Variants in POTEF observed in about 807,000 individuals in gnomAD.
The protein encoded by POTEF is ANKRD26-like family C member 1B.
In POTEF, 20 loss-of-function variants were observed where a neutral mutation model predicts 83.2. The observed-to-expected ratio is 0.24, with a 90% CI of 0.17 to 0.35. The LOEUF is 0.35. POTEF is among the 10% of genes least tolerant of loss of function. The pLI is 1.00. For synonymous variants in POTEF, 196 were observed against 446.4 expected, an observed-to-expected ratio of 0.44 and a Z score of 7.07; for missense variants, 550 against 1,203.2, an observed-to-expected ratio of 0.46 and a Z score of 8.03.
In POTEF at chr2:130,075,400, A is replaced by T. The variant is rs750134559; in HGVS notation, c.2072T>A (p.Leu691Ter). 1.2e-6 allele frequency: 2 copies of T among 1,611,696 alleles called. No individual in the cohort carries two copies. The highest frequency in any genetic ancestry group is 2.2e-5 in the East Asian group (1 of 44,866). Residue 691 changes from leucine (L) to a stop codon, truncating the protein, a stop_gained, in exon 17 of 17, where the codon TTA (leucine) becomes TAA (stop). Transcript: ENST00000409914. LOFTEE classifies it high-confidence loss of function. ...ESVKKRNDNL[L>*]KALQLNELTM... Reference sequence around the variant, plus strand: ...GAGCTCATTCAATTGTAGAGCCTTTAAAAGATTATCATTCCTTTTTTTCAC... The same window carrying T: ...GAGCTCATTCAATTGTAGAGCCTTTTAAAGATTATCATTCCTTTTTTTCAC...
intron 3 of POTEF, among the ~76,000 whole-genome samples, chr2:130,115,797 T>C (rs71277176): frequency 2.1e-3 from 283 of 137,860 alleles, no homozygotes; most frequent in African/African-American, 7.5e-3. Flanking sequence ...AACATTTGAA[T>C]TGAGATGATA....
In POTEF at chr2:130,083,049, C is replaced by T. The variant is rs3990648; in HGVS notation, c.1778+2765G>A. On this transcript the variant is annotated intron_variant, in intron 15 of 16. Coordinates refer to ENST00000409914, the MANE Select transcript of POTEF (RefSeq NM_001099771.2). ...AGCATATACACAGTAGAAAAAGTCACGAGGGGCCAGGCACGGTGGCTCACG... is the reference window on the plus strand; with the variant it reads ...AGCATATACACAGTAGAAAAAGTCATGAGGGGCCAGGCACGGTGGCTCACG... Among the ~76,000 whole-genome samples, 80 of 120,200 alleles carry T rather than the reference C, an allele frequency of 6.7e-4. No individual in the cohort carries two copies. The East Asian group carries it at 9.8e-3, about 15-fold the overall frequency. The allele number at this position is 120,200 out of a possible 152,430, so 78.9% of individuals were successfully genotyped here.
At chr2:130,121,217 T>C (rs1435621963) in intron 2 of POTEF, among the ~76,000 whole-genome samples, 1 of 149,256 alleles carries the variant, frequency 6.7e-6, no homozygotes, top group Non-Finnish European at 1.5e-5. Context: ...TGCTTAAGTC[T>C]TGGCGCCACG....
intron 15 of POTEF, among the ~76,000 whole-genome samples, chr2:130,078,341 C>A (rs1683872448): frequency 1.1e-5 from 1 of 90,536 alleles, no homozygotes; most frequent in African/African-American, 4.1e-5. Flanking sequence ...CAATCCAATC[C>A]CTTTTACAGT....
intron 2 of POTEF, among the ~76,000 whole-genome samples, chr2:130,125,324 T>C (rs1186462436): frequency 2.7e-5 from 4 of 148,290 alleles, no homozygotes; most frequent in Admixed American, 1.3e-4. Flanking sequence ...GACAAAAATT[T>C]AGATATTATC....
intron 2 of POTEF, among the ~76,000 whole-genome samples, chr2:130,122,987 T>C (rs1274532555): frequency 1.1e-4 from 15 of 138,408 alleles, no homozygotes; most frequent in Non-Finnish European, 2.2e-4. Flanking sequence ...TTCCTTTCTT[T>C]GCCTTGTATA....
chr2:130,118,669 C>T (rs1410343356), intron 3 of POTEF, among the ~76,000 whole-genome samples: 13 of 150,324 alleles, frequency 8.6e-5, no homozygotes, highest in South Asian at 4.2e-4. Flanking sequence ...GCACTCCAGC[C>T]GGGGCAGCAG....
chr2:130,128,502 CA>C (rs1293893777), intron 1 of POTEF, among the ~76,000 whole-genome samples: 2 of 133,824 alleles, frequency 1.5e-5, no homozygotes, highest in Non-Finnish European at 3.3e-5. Flanking sequence ...CCCCGGACAG[CA>C]CACCCACCAC....
chr2:130,108,794 A>C (rs1684621021), intron 7 of POTEF, among the ~76,000 whole-genome samples: 1 of 148,822 alleles, frequency 6.7e-6, no homozygotes, highest in Non-Finnish European at 1.5e-5. Context: ...GGAGTTGATC[A>C]ATCACACCAA....
intron 5 of POTEF, 104 bp downstream of exon 5, chr2:130,114,777 A>G: frequency 6.7e-7 from 1 of 1,484,382 alleles, no homozygotes; most frequent in Non-Finnish European, 9.0e-7. Flanking sequence ...ATTTCCATTC[A>G]GGTTATGCTT....
chr2:130,128,736 A>C (rs1573621498), intron 1 of POTEF, among the ~76,000 whole-genome samples: 10 of 133,120 alleles, frequency 7.5e-5, no homozygotes, highest in South Asian at 2.6e-4. Context: ...CTCCTAAACC[A>C]CCCCCCGCTG....
intron 7 of POTEF, 70 bp from the exon 8 acceptor site, chr2:130,108,149 A>C: frequency 1.4e-5 from 21 of 1,504,198 alleles, no homozygotes; most frequent in Non-Finnish European, 1.8e-5. Context: ...CCAAATGTAG[A>C]ATTATTAAGA....
chr2:130,122,964 T>C (rs1446488898), intron 2 of POTEF, among the ~76,000 whole-genome samples: 1 of 145,546 alleles, frequency 6.9e-6, no homozygotes, highest in Non-Finnish European at 1.5e-5. Context: ...CTTCCCTTCC[T>C]ATTTAGATGC....
chr2:130,117,350 T>C (rs1238953961), intron 3 of POTEF, among the ~76,000 whole-genome samples: 1 of 151,908 alleles, frequency 6.6e-6, no homozygotes, highest in African/African-American at 2.4e-5. Context: ...TGACAAATTA[T>C]TTGCATCTAT....
chr2:130,117,123 T>G (rs1411730269), intron 3 of POTEF, among the ~76,000 whole-genome samples: 8 of 151,850 alleles, frequency 5.3e-5, no homozygotes, highest in Non-Finnish European at 8.8e-5. Context: ...ATCACTTACA[T>G]TTGCTATTTT....
chr2:130,118,229 T>C (rs995288674), intron 3 of POTEF, among the ~76,000 whole-genome samples: 5 of 151,936 alleles, frequency 3.3e-5, no homozygotes, highest in Admixed American at 6.5e-5. Flanking sequence ...CGTAAGCCAC[T>C]GTACCCGGCC....
At chr2:130,119,079 AAGAC>A (rs1173426063) in intron 3 of POTEF, among the ~76,000 whole-genome samples, 2 of 152,128 alleles carry the variant, frequency 1.3e-5, no homozygotes, top group African/African-American at 4.8e-5. Context: ...ACAATAATAA[AAGAC>A]AGCATGTGTA....
chr2:130,105,534 T>C (rs1191811826), intron 8 of POTEF, among the ~76,000 whole-genome samples: 1 of 151,664 alleles, frequency 6.6e-6, no homozygotes, highest in East Asian at 1.9e-4. Flanking sequence ...CAATCTGCCT[T>C]ATGGCTTTGT....
In POTEF at chr2:130,107,949, C is replaced by T. The variant is rs575243840; in HGVS notation, c.1126+60G>A. The T allele has an allele frequency of 7.8e-4, 1,255 of 1,603,292 alleles. 10 individuals carry two copies. The Middle Eastern group carries it at 9.3e-3, about 12-fold the overall frequency. On this transcript the variant is annotated intron_variant, in intron 8 of 16. Coordinates refer to ENST00000409914, the MANE Select transcript of POTEF (RefSeq NM_001099771.2). ...AAAAATTGTCTTCCACAAAACCGGT[C>T]CCTGGTGTCAAAAAGATTGGGGACA...
Sources: gnomAD v4.1 joint callset for allele counts (sites outside exome capture counted in the v4.1 genomes callset) on GRCh38, gnomAD v4.1.1 for gene constraint, MANE v1.5 for transcripts, NCBI Gene and HGNC (gene_info 2026-07-23, HGNC 2026-07-21) for gene names.